NOX4: variants seen among roughly 807,000 people sequenced by gnomAD.
NOX4 encodes the protein NADPH oxidase 4, also known as kidney oxidase-1.
A neutral mutation model predicts 87.6 loss-of-function variants in NOX4; 69 were observed. The ratio of observed to expected loss-of-function variants is 0.79; its 90% CI spans 0.65 to 0.96. NOX4 has a LOEUF of 0.96. Ranked by LOEUF, NOX4 falls within the 40% of genes least tolerant of loss-of-function variation. The pLI, the probability that NOX4 is intolerant of heterozygous loss-of-function variation, is 0.00. For synonymous variants in NOX4, 275 were observed against 238.2 expected, an observed-to-expected ratio of 1.15 and a Z score of -1.42; for missense variants, 680 against 681.5, an observed-to-expected ratio of 1.00 and a Z score of 0.02.
intron 12 of NOX4, 126 bp downstream of exon 12, chr11:89,373,306 A>T (rs1414324101): frequency 5.8e-6 from 3 of 520,904 alleles, no homozygotes; most frequent in South Asian, 3.9e-5. Flanking sequence ...AAACAAAAAA[A>T]AACCCAGAAC....
chr11:89,398,085 G>A (rs1214291110), intron 11 of NOX4, among the ~76,000 whole-genome samples: 3 of 151,694 alleles, frequency 2.0e-5, no homozygotes, highest in East Asian at 1.9e-4. Context: ...CTGGCAAACC[G>A]AATCCAACAG....
intron 7 of NOX4, among the ~76,000 whole-genome samples, chr11:89,427,118 G>C (rs1168091641): frequency 6.6e-6 from 1 of 152,158 alleles, no homozygotes. Context: ...ACAGCATCTG[G>C]AGTGGACCTC....
chr11:89,415,978 A>C (rs1942744302), intron 8 of NOX4, among the ~76,000 whole-genome samples: 1 of 152,150 alleles, frequency 6.6e-6, no homozygotes, highest in African/African-American at 2.4e-5. Context: ...TCTGTTTCTC[A>C]AATACACACA....
chr11:89,494,961 G>A (rs1445943301), upstream of NOX4, among the ~76,000 whole-genome samples: 2 of 152,124 alleles, frequency 1.3e-5, no homozygotes, highest in Non-Finnish European at 2.9e-5. Flanking sequence ...TTCTTCTTTT[G>A]AGACAGGATC....
At chr11:89,364,716 T>C (rs899667561) in intron 12 of NOX4, among the ~76,000 whole-genome samples, 5 of 152,130 alleles carry the variant, frequency 3.3e-5, no homozygotes, top group African/African-American at 9.6e-5. Context: ...TTTTCTGAAC[T>C]ATACCAAAAT....
chr11:89,530,670 T>C, the NOX4 span, among the ~76,000 whole-genome samples: 1 of 151,984 alleles, frequency 6.6e-6, no homozygotes, highest in Non-Finnish European at 1.5e-5. Context: ...CTGGATTAGT[T>C]GTCTATTTTT....
chr11:89,508,774 T>C, the NOX4 span, among the ~76,000 whole-genome samples: 1 of 152,082 alleles, frequency 6.6e-6, no homozygotes, highest in African/African-American at 2.4e-5. Flanking sequence ...CTCAGGTAGC[T>C]ATAATTAACC....
intron 8 of NOX4, among the ~76,000 whole-genome samples, chr11:89,404,999 T>C (rs1942087823): frequency 6.6e-6 from 1 of 151,918 alleles, no homozygotes; most frequent in African/African-American, 2.4e-5. Flanking sequence ...GCTCACTCTA[T>C]GCCCCTATGT....
intron 2 of NOX4, among the ~76,000 whole-genome samples, chr11:89,475,688 G>A (rs1171629611): frequency 6.6e-6 from 1 of 152,006 alleles, no homozygotes; most frequent in African/African-American, 2.4e-5. Flanking sequence ...GAATACAATA[G>A]AATAGGAACA....
At chr11:89,585,710 T>C in the NOX4 span, among the ~76,000 whole-genome samples, 1 of 152,194 alleles carries the variant, frequency 6.6e-6, no homozygotes, top group South Asian at 2.1e-4. Context: ...ATGCCTTGTT[T>C]CACAAAAGCA....
chr11:89,501,648 C>T (rs1205836382), upstream of NOX4, among the ~76,000 whole-genome samples: 1 of 152,042 alleles, frequency 6.6e-6, no homozygotes, highest in African/African-American at 2.4e-5. Context: ...ATCCTCTGTC[C>T]TTCCAAGCCG....
rs368358263 is a variant in NOX4, at chr11:89,384,561, A to T, written c.1075-11069T>A. On this transcript the variant is annotated intron_variant, in intron 11 of 17. Transcript: ENST00000263317. ...TGGCTACTTCTGCCTTTGGATACCT[A>T]CTTTTACCATCCTGACTAAACCATT... is the stretch of plus-strand genomic sequence containing the variant. Among the ~76,000 whole-genome samples, 7 of 152,124 alleles carry T rather than the reference A, an allele frequency of 4.6e-5. No homozygotes were observed. The East Asian group carries it at 1.4e-3, about 29-fold the overall frequency.
chr11:89,482,110 C>T (rs1473695181), intron 2 of NOX4, among the ~76,000 whole-genome samples: 2 of 151,928 alleles, frequency 1.3e-5, no homozygotes, highest in Non-Finnish European at 2.9e-5. Context: ...TGTGTAAGAG[C>T]ATGTTTAAAA....
chr11:89,412,977 T>C (rs1942561016), intron 8 of NOX4, among the ~76,000 whole-genome samples: 1 of 151,672 alleles, frequency 6.6e-6, no homozygotes, highest in South Asian at 2.1e-4. Flanking sequence ...CAAATAGTTA[T>C]GTAAGAAAAA....
Position 89,421,905 on chromosome 11 carries a change from G to A in NOX4, c.626C>T (p.Ser209Leu). 4 of 1,560,116 alleles carry A rather than the reference G, an allele frequency of 2.6e-6. No individual in the cohort carries two copies. Among genetic ancestry groups the A allele is most frequent in the Non-Finnish European group, 3.5e-6 (4 of 1,154,422 alleles). ...VFYMLLTLHV[S>L]GGLLKYQTNL... ...ATACATACATTTGTAAACTTACCCTGAAACATGCAACGTCAGCAGCATGTA... is the reference window on the plus strand; with the variant it reads ...ATACATACATTTGTAAACTTACCCTAAAACATGCAACGTCAGCAGCATGTA... Residue 209 changes from serine (S) to leucine (L), a missense_variant, in exon 8 of 18, where the codon TCA becomes TTA. Ser to Leu is a moderately radical substitution (Grantham distance 145, BLOSUM62 -2). Transcript: ENST00000263317.
At chr11:89,386,094 G>T (rs974949295) in intron 11 of NOX4, among the ~76,000 whole-genome samples, 2 of 152,050 alleles carry the variant, frequency 1.3e-5, no homozygotes, top group African/African-American at 4.8e-5. Context: ...AACTTAAAAA[G>T]GAATGGACAA....
intron 7 of NOX4, among the ~76,000 whole-genome samples, chr11:89,427,089 A>G (rs928408378): frequency 2.0e-5 from 3 of 152,198 alleles, no homozygotes; most frequent in African/African-American, 2.4e-5. Flanking sequence ...TGCAGCCTGC[A>G]CTGCTGATAC....
At chr11:89,338,729 T>C (rs1236542128) in intron 15 of NOX4, among the ~76,000 whole-genome samples, 1 of 152,090 alleles carries the variant, frequency 6.6e-6, no homozygotes, top group Non-Finnish European at 1.5e-5. Context: ...GAAGTTAGGT[T>C]TCTCTACCTT....
At chr11:89,524,781 T>C in the NOX4 span, among the ~76,000 whole-genome samples, 1 of 152,130 alleles carries the variant, frequency 6.6e-6, no homozygotes, top group Non-Finnish European at 1.5e-5. Context: ...ATCTGACTAA[T>C]TACCAAATGC....
Sources: gnomAD v4.1 joint callset for allele counts (sites outside exome capture counted in the v4.1 genomes callset) on GRCh38, gnomAD v4.1.1 for gene constraint, MANE v1.5 for transcripts, NCBI Gene and HGNC (gene_info 2026-07-23, HGNC 2026-07-21) for gene names.